SLC44A5: variants seen among roughly 807,000 people sequenced by gnomAD.
SLC44A5 encodes the protein solute carrier family 44 member 5.
In SLC44A5, 57 loss-of-function variants were observed where a neutral mutation model predicts 101.8. That is an observed-to-expected ratio of 0.56 (90% CI 0.45 to 0.70). The LOEUF is 0.70. SLC44A5 is among the 30% of genes least tolerant of loss of function. SLC44A5 has a pLI of 0.00. For missense variants in SLC44A5, 737 were observed against 853.1 expected (o/e 0.86, Z 1.70); for synonymous variants, 281 against 290.9 (o/e 0.97, Z 0.35).
intron 1 of SLC44A5, among the ~76,000 whole-genome samples, chr1:75,587,367 C>T (rs775238243): frequency 4.6e-5 from 7 of 152,178 alleles, no homozygotes; most frequent in Non-Finnish European, 8.8e-5. Context: ...ACCTGAGGCT[C>T]AAGGTCACAA....
the SLC44A5 span, among the ~76,000 whole-genome samples, chr1:75,690,824 C>A: frequency 6.6e-6 from 1 of 152,052 alleles, no homozygotes; most frequent in Non-Finnish European, 1.5e-5. Context: ...AATATTCCAC[C>A]CATTGGTTAA....
intron 2 of SLC44A5, among the ~76,000 whole-genome samples, chr1:75,460,715 C>T (rs1308004482): frequency 3.3e-5 from 5 of 151,962 alleles, no homozygotes; most frequent in African/African-American, 7.3e-5. Flanking sequence ...TTGAAATATC[C>T]CCCAAATCTC....
intron 3 of SLC44A5, among the ~76,000 whole-genome samples, chr1:75,362,412 A>G (rs1427059078): frequency 1.3e-5 from 2 of 151,822 alleles, no homozygotes; most frequent in Non-Finnish European, 2.9e-5. Context: ...CTTTTTGGAT[A>G]TAGGCATTTA....
At chr1:75,280,015 T>G (rs191958745) in intron 5 of SLC44A5, among the ~76,000 whole-genome samples, 31 of 147,572 alleles carry the variant, frequency 2.1e-4, no homozygotes, top group African/African-American at 7.7e-4. Flanking sequence ...GGTTTTGCAT[T>G]CCTGAGTTAC....
the SLC44A5 span, among the ~76,000 whole-genome samples, chr1:75,715,815 G>A: frequency 7.2e-5 from 11 of 152,096 alleles, no homozygotes; most frequent in African/African-American, 1.9e-4. Context: ...TTAAAGTAAC[G>A]AGCTTCTGAA....
At chr1:75,551,033 C>A (rs1382791807) in intron 1 of SLC44A5, among the ~76,000 whole-genome samples, 1 of 152,154 alleles carries the variant, frequency 6.6e-6, no homozygotes, top group Non-Finnish European at 1.5e-5. Context: ...GTTTTTAGCA[C>A]AGTTCTTAAC....
At chr1:75,622,094 C>T in the SLC44A5 span, among the ~76,000 whole-genome samples, 1 of 152,108 alleles carries the variant, frequency 6.6e-6, no homozygotes, top group Non-Finnish European at 1.5e-5. Flanking sequence ...CTCTTTACTC[C>T]ATTCTGATTA....
chr1:75,551,751 C>T (rs556827739), intron 1 of SLC44A5, among the ~76,000 whole-genome samples: 14 of 151,934 alleles, frequency 9.2e-5, no homozygotes, highest in African/African-American at 2.4e-4. Context: ...GCCACTCAGA[C>T]GTCACAATAC....
At chr1:75,412,568 T>C (rs563296929) in intron 2 of SLC44A5, among the ~76,000 whole-genome samples, 1 of 152,290 alleles carries the variant, frequency 6.6e-6, no homozygotes, top group East Asian at 1.9e-4. Flanking sequence ...AGGAGGTGTA[T>C]TTCCAAAATT....
intron 4 of SLC44A5, among the ~76,000 whole-genome samples, chr1:75,309,303 C>T (rs560744197): frequency 4.6e-5 from 7 of 152,218 alleles, no homozygotes; most frequent in Non-Finnish European, 8.8e-5. Context: ...AAATCAGCTG[C>T]ATGTGGTGGC....
Position 75,239,193 on chromosome 1 carries a change from G to A in SLC44A5, c.533-557C>T, listed in dbSNP as rs77470843. Among the ~76,000 whole-genome samples, 1,514 of 152,088 alleles carry A rather than the reference G, an allele frequency of 1.0e-2. 35 individuals are homozygous for A. Among genetic ancestry groups the A allele is most frequent in the African/African-American group, 0.034 (1,430 of 41,490 alleles). ...TCATTTACAACAGTTTTTTAGTGGA[G>A]CTGAAAATGGAAATTCTGAAACTAT... On this transcript the variant is annotated intron_variant, in intron 9 of 23. Coordinates refer to ENST00000370859, the MANE Select transcript of SLC44A5 (RefSeq NM_001130058.2).
chr1:75,715,267 C>T, the SLC44A5 span, among the ~76,000 whole-genome samples: 1 of 151,896 alleles, frequency 6.6e-6, no homozygotes, highest in Non-Finnish European at 1.5e-5. Flanking sequence ...CTACCAATGG[C>T]ATTCTTCACA....
At chr1:75,554,657 G>C (rs898224769) in intron 1 of SLC44A5, among the ~76,000 whole-genome samples, 1 of 152,006 alleles carries the variant, frequency 6.6e-6, no homozygotes, top group African/African-American at 2.4e-5. Context: ...GATGTAAACA[G>C]AGCCCAAAAC....
At chr1:75,597,748 T>C (rs990361923) in intron 1 of SLC44A5, among the ~76,000 whole-genome samples, 14 of 152,162 alleles carry the variant, frequency 9.2e-5, no homozygotes, top group African/African-American at 3.1e-4. Flanking sequence ...ATGCAGAAGA[T>C]TGAAACTGGA....
At chr1:75,369,345 C>T (rs527483384) in intron 3 of SLC44A5, among the ~76,000 whole-genome samples, 4 of 152,122 alleles carry the variant, frequency 2.6e-5, no homozygotes, top group African/African-American at 9.6e-5. Flanking sequence ...TACTTTCATA[C>T]AAAATAAATA....
At chr1:75,533,024 C>T (rs1354620927) in intron 2 of SLC44A5, among the ~76,000 whole-genome samples, 3 of 152,210 alleles carry the variant, frequency 2.0e-5, no homozygotes, top group African/African-American at 7.2e-5. Context: ...ACAAATTGCA[C>T]TTATGTCCCA....
chr1:75,415,799 A>C (rs1663603071), intron 2 of SLC44A5, among the ~76,000 whole-genome samples: 1 of 152,190 alleles, frequency 6.6e-6, no homozygotes, highest in Non-Finnish European at 1.5e-5. Context: ...ATGTTTTAGC[A>C]AAGAGACTGG....
chr1:75,407,461 T>C lies in SLC44A5; in HGVS notation c.14-10840A>G, dbSNP rs571832185. Among the ~76,000 whole-genome samples the C allele has an allele frequency of 2.6e-5, 4 of 152,222 alleles. No individual in the cohort carries two copies. In the East Asian group the frequency reaches 5.8e-4, roughly 22 times the overall value. On this transcript the variant is annotated intron_variant, in intron 2 of 23. Transcript: ENST00000370859. Reference sequence around the variant, plus strand: ...CATCACGCTACCTGACTTCAAACTATACTACAAGGCTACAGTAACCAAAAC... The same window carrying C: ...CATCACGCTACCTGACTTCAAACTACACTACAAGGCTACAGTAACCAAAAC...
At chr1:75,215,415 C>A (rs1052036693) in intron 19 of SLC44A5, among the ~76,000 whole-genome samples, 2 of 151,722 alleles carry the variant, frequency 1.3e-5, no homozygotes, top group Non-Finnish European at 2.9e-5. Context: ...AAAGTATTTT[C>A]TTCTCAGAGT....
Sources: allele counts gnomAD v4.1 joint callset (sites outside exome capture counted in the v4.1 genomes callset), GRCh38; gene constraint gnomAD v4.1.1; transcripts MANE v1.5; gene names NCBI Gene and HGNC (gene_info 2026-07-23, HGNC 2026-07-21).